FBXO46: variants seen among roughly 807,000 people sequenced by gnomAD.
FBXO46 encodes the protein F-box only protein 46.
Under a neutral mutation model 30.7 loss-of-function variants are expected in FBXO46, and 13 were observed. The ratio of observed to expected loss-of-function variants is 0.42; its 90% CI spans 0.28 to 0.67. FBXO46 has a LOEUF of 0.67. Ranked by LOEUF, FBXO46 falls within the 30% of genes least tolerant of loss-of-function variation. The pLI is 0.21. For synonymous variants in FBXO46, 467 were observed against 385.8 expected (o/e 1.21, Z -2.47); for missense variants, 754 against 871.5 (o/e 0.87, Z 1.70).
chr19:45,731,380 A>T (rs1415817936), upstream of FBXO46, among the ~76,000 whole-genome samples: 1 of 147,906 alleles, frequency 6.8e-6, no homozygotes, highest in African/African-American at 2.5e-5. Flanking sequence ...GCAGTGGCGC[A>T]ATTTCGGCTC....
chr19:45,725,670 G>A (rs1600366561), intron 1 of FBXO46, among the ~76,000 whole-genome samples: 1 of 152,064 alleles, frequency 6.6e-6, no homozygotes, highest in Non-Finnish European at 1.5e-5. Flanking sequence ...GGAGGTAGAG[G>A]TTGCAGGGAG....
rs140165220 is a variant in FBXO46, at chr19:45,729,605, G to A, written c.-79+1244C>T. Among the ~76,000 whole-genome samples the A allele has an allele frequency of 2.9e-3, 441 of 152,332 alleles. 4 individuals are homozygous for A. Among genetic ancestry groups the A allele is most frequent in the African/African-American group, 9.6e-3 (400 of 41,570 alleles). ...GATTCTGAGCCAGGCTGCCAAGATC[G>A]GAATCCTGAGTCTAGCAATTAATGC... On this transcript the variant is annotated intron_variant, in intron 1 of 1. Transcript: ENST00000317683.
upstream of FBXO46, among the ~76,000 whole-genome samples, chr19:45,731,986 G>A (rs1968322029): frequency 6.6e-6 from 1 of 151,792 alleles, no homozygotes; most frequent in Admixed American, 6.6e-5. Flanking sequence ...GCTGGGTGGC[G>A]GGTGCCTGTA....
rs1490979535 is a variant in FBXO46 at position 45,712,103 on chromosome 19, G to A, written c.1393C>T (p.Arg465Trp). Residue 465 changes from arginine to tryptophan, a missense_variant, in exon 2 of 2, where the codon CGG becomes TGG. This residue lies in a region of FBXO46 where 162 missense variants were observed against 258.7 expected (regional missense o/e 0.63). Transcript: ENST00000317683. The surrounding 1 kb of genome is among the most constrained non-coding windows in gnomAD (Gnocchi z 8.8). Reference sequence around the variant, plus strand: ...ATGTACTGTCGCGGCTCCAGCAGCCGCTGAATCTTGAAGCGGATCTCTAGG... The same window carrying A: ...ATGTACTGTCGCGGCTCCAGCAGCCACTGAATCTTGAAGCGGATCTCTAGG... ...DFLEIRFKIQRLLEPRQYMLL... is the reference protein window; with the variant it reads ...DFLEIRFKIQWLLEPRQYMLL... 3 of 1,602,012 alleles carry A rather than the reference G, an allele frequency of 1.9e-6. No individual in the cohort carries two copies. The highest frequency in any genetic ancestry group is 2.6e-6 in the Non-Finnish European group (3 of 1,174,962).
At position 45,712,757 on chromosome 19, in the gene FBXO46, G is replaced by C. The variant is rs777163852; in HGVS notation, c.739C>G (p.Arg247Gly). Residue 247 changes from arginine (R) to glycine (G), a missense_variant, in exon 2 of 2, where the codon CGC becomes GGC. Coordinates refer to ENST00000317683, the MANE Select transcript of FBXO46 (RefSeq NM_001080469.2). The surrounding 1 kb of genome is among the most constrained non-coding windows in gnomAD (Gnocchi z 8.8). ...QRDSPPTKGL[R>G]KEERPGPGPG... ...CCTGGCCCGGGCCGCTCTTCCTTGC[G>C]GAGGCCCTTGGTGGGAGGGCTGTCC... 8.7e-6 allele frequency: 14 copies of C among 1,611,110 alleles called. No individual in the cohort carries two copies. Among genetic ancestry groups the C allele is most frequent in the Non-Finnish European group, 1.2e-5 (14 of 1,178,646 alleles).
At chr19:45,731,173 G>A (rs1485438558), upstream of FBXO46, among the ~76,000 whole-genome samples, 1 of 152,218 alleles carries the variant, frequency 6.6e-6, no homozygotes, top group East Asian at 1.9e-4. Flanking sequence ...AGGCCCTTGG[G>A]AAGGGAATTG....
chr19:45,731,598 AGCCACC>A (rs1968313543), upstream of FBXO46, among the ~76,000 whole-genome samples: 1 of 148,124 alleles, frequency 6.8e-6, no homozygotes, highest in Non-Finnish European at 1.5e-5. Flanking sequence ...TACAGGCGTG[AGCCACC>A]GCGCCCGGCC....
intron 1 of FBXO46, among the ~76,000 whole-genome samples, chr19:45,721,031 G>GA (rs1004559055): frequency 1.1e-4 from 16 of 143,300 alleles, no homozygotes; most frequent in African/African-American, 3.9e-4. Flanking sequence ...GTGAAGCGGG[G>GA]AAAAAAACAA....
In FBXO46 at chr19:45,713,091, C is replaced by T; in HGVS notation, c.405G>A (p.Arg135=). The change falls in exon 2 of 2, where the codon AGG becomes AGA. Residue 135 remains arginine (R), a synonymous_variant. Coordinates refer to ENST00000317683, the MANE Select transcript of FBXO46 (RefSeq NM_001080469.2). The surrounding 1 kb of genome is among the most constrained non-coding windows in gnomAD (Gnocchi z 4.7). ...GSDSSKAKRR[R]RCLDPTKAPP... ...GAGCCTTGGTGGGGTCAAGACAGCG[C>T]CTCCGCCGCTTGGCCTTGGAGCTAT... The T allele has an allele frequency of 1.2e-6, 2 of 1,601,612 alleles. No individual in the cohort carries two copies. The highest frequency in any genetic ancestry group is 1.1e-5 in the South Asian group (1 of 89,694).
In FBXO46 at chr19:45,712,216, G is replaced by A; in HGVS notation, c.1280C>T (p.Ser427Phe). Residue 427 changes from serine (S) to phenylalanine (F), a missense_variant, in exon 2 of 2, where the codon TCC becomes TTC. By Grantham distance (155) the Ser-to-Phe change is radical. Transcript: ENST00000317683. The surrounding 1 kb of genome is among the most constrained non-coding windows in gnomAD (Gnocchi z 8.8). Reference sequence around the variant, plus strand: ...GTCTGGGCCGGGCGCAGTGGCCGGGGAGTCGGCCGGGGGTGGCTCCGGGGG... The same window carrying A: ...GTCTGGGCCGGGCGCAGTGGCCGGGAAGTCGGCCGGGGGTGGCTCCGGGGG... ...DGPPEPPPAD[S>F]PATAPGPDDA... is the part of the protein sequence containing the mutation. The A allele has an allele frequency of 6.2e-7, 1 of 1,605,180 alleles. No homozygotes were observed. The highest frequency in any genetic ancestry group is 8.5e-7 in the Non-Finnish European group (1 of 1,177,214).
chr19:45,728,967 C>T (rs891929635), intron 1 of FBXO46, among the ~76,000 whole-genome samples: 2 of 151,844 alleles, frequency 1.3e-5, no homozygotes, highest in Non-Finnish European at 2.9e-5. Context: ...CAAAATTAAC[C>T]AGACGTGGTG....
At chr19:45,723,160 C>G (rs1378322668) in intron 1 of FBXO46, among the ~76,000 whole-genome samples, 1 of 152,074 alleles carries the variant, frequency 6.6e-6, no homozygotes, top group Non-Finnish European at 1.5e-5. Context: ...ATCGCTTGAG[C>G]CTTGGAGATC....
chr19:45,716,363 G>C (rs1393670210), intron 1 of FBXO46: 1 of 150,184 alleles, frequency 6.7e-6, no homozygotes, highest in Non-Finnish European at 1.5e-5. Flanking sequence ...ACCCCCTCAA[G>C]TCCCCTAATC....
At chr19:45,725,135 A>C (rs1809712001) in intron 1 of FBXO46, among the ~76,000 whole-genome samples, 1 of 151,834 alleles carries the variant, frequency 6.6e-6, no homozygotes, top group South Asian at 2.1e-4. Flanking sequence ...TAAATAAATA[A>C]ATAGGCTGCG....
chr19:45,725,673 G>A (rs1467625395), intron 1 of FBXO46, among the ~76,000 whole-genome samples: 1 of 152,058 alleles, frequency 6.6e-6, no homozygotes, highest in Non-Finnish European at 1.5e-5. Flanking sequence ...GGTAGAGGTT[G>A]CAGGGAGCCG....
At chr19:45,720,034 TCTCA>T (rs1968148445) in intron 1 of FBXO46, among the ~76,000 whole-genome samples, 2 of 152,178 alleles carry the variant, frequency 1.3e-5, no homozygotes, top group Non-Finnish European at 2.9e-5. Context: ...TCTGAGATGG[TCTCA>T]CTGTCACCCA....
chr19:45,732,610 T>TTTTTTTTTTTTTTTTTTTTC (rs1568551429), upstream of FBXO46, among the ~76,000 whole-genome samples: 1 of 112,334 alleles, frequency 8.9e-6, no homozygotes, highest in Non-Finnish European at 1.7e-5. Context: ...TTTTTTTTTT[T>TTTTTTTTTTTTTTTTTTTTC]TGAGACAGAG....
chr19:45,712,910 G>A lies in FBXO46; in HGVS notation c.586C>T (p.Pro196Ser), dbSNP rs779488808. ...GCGGACACAAAGACTACAGGCGCTG[G>A]GGTGGTCGGTCGTGGGTAGCTCTGC... The part of the protein sequence containing the change: ...ALQSYPRPTT[P>S]APVVFVSAEQ... The change falls in exon 2 of 2, where the codon CCA (proline) becomes TCA (serine). Residue 196 changes from proline to serine, a missense_variant. Transcript: ENST00000317683. The surrounding 1 kb of genome is among the most constrained non-coding windows in gnomAD (Gnocchi z 8.8). 1.7e-5 allele frequency: 28 copies of A among 1,611,612 alleles called. No homozygotes were observed. Among genetic ancestry groups the A allele is most frequent in the Non-Finnish European group, 2.3e-5 (27 of 1,179,074 alleles).
intron 1 of FBXO46, among the ~76,000 whole-genome samples, chr19:45,727,360 C>A (rs1968253627): frequency 6.6e-6 from 1 of 152,022 alleles, no homozygotes; most frequent in South Asian, 2.1e-4. Flanking sequence ...GAGTTCGAGA[C>A]CAGCCTGGCC....
Sources: gnomAD v4.1 joint callset for allele counts (sites outside exome capture counted in the v4.1 genomes callset) on GRCh38, gnomAD v4.1.1 for gene constraint, gnomAD v4.1.1 regional missense constraint, Gnocchi (gnomAD v3.1) non-coding constraint, MANE v1.5 for transcripts, NCBI Gene and HGNC (gene_info 2026-07-23, HGNC 2026-07-21) for gene names.